The following NUBPL variants were observed in gnomAD, a reference collection of about 807,000 sequenced individuals.
NUBPL encodes the protein NUBP iron-sulfur cluster assembly factor, mitochondrial, also known as iron-sulfur cluster transfer protein NUBPL.
NUBPL carries 31 observed loss-of-function variants against 45.7 expected under a neutral mutation model. The ratio of observed to expected loss-of-function variants is 0.68; its 90% CI spans 0.51 to 0.92. The LOEUF is 0.92. Ranked by LOEUF, NUBPL falls within the 40% of genes least tolerant of loss-of-function variation. NUBPL has a pLI of 0.00. For synonymous variants in NUBPL, 144 were observed against 140.9 expected, an observed-to-expected ratio of 1.02 and a Z score of -0.15; for missense variants, 401 against 398.7, an observed-to-expected ratio of 1.01 and a Z score of -0.05.
At chr14:31,782,952 G>A (rs570498178) in intron 6 of NUBPL, among the ~76,000 whole-genome samples, 28 of 152,244 alleles carry the variant, frequency 1.8e-4, no homozygotes, top group African/African-American at 6.5e-4. Context: ...TTAAATTTAA[G>A]AAGTCAAGGA....
At chr14:31,776,272 T>C (rs2039096216) in intron 6 of NUBPL, among the ~76,000 whole-genome samples, 1 of 152,182 alleles carries the variant, frequency 6.6e-6, no homozygotes, top group African/African-American at 2.4e-5. Context: ...AAGTAGAATC[T>C]AGAGCCTCCC....
At chr14:31,760,126 A>AGTGTGTGTGTGT (rs147699444) in intron 6 of NUBPL, among the ~76,000 whole-genome samples, 4,662 of 29,758 alleles carry the variant, frequency 0.16, 887 homozygotes, top group African/African-American at 0.33. Context: ...TTCTGACTTT[A>AGTGTGTGTGTGT]GTGTGTGTGT....
intron 6 of NUBPL, among the ~76,000 whole-genome samples, chr14:31,727,790 C>T (rs1215757878): frequency 6.6e-6 from 1 of 152,030 alleles, no homozygotes; most frequent in Non-Finnish European, 1.5e-5. Flanking sequence ...CTAATAAATC[C>T]CTGCTTGTAT....
At chr14:31,833,370 C>CAA (rs540768372) in intron 8 of NUBPL, among the ~76,000 whole-genome samples, 1,609 of 140,022 alleles carry the variant, frequency 0.011, 25 homozygotes, top group African/African-American at 0.04. Flanking sequence ...GACCTTGTCT[C>CAA]AAAAAAAAAA....
intron 2 of NUBPL, among the ~76,000 whole-genome samples, chr14:31,563,755 C>T (rs933404818): frequency 2.2e-4 from 34 of 152,166 alleles, no homozygotes; most frequent in African/African-American, 8.0e-4. Flanking sequence ...TAGGAAGAAC[C>T]TAACTCTAAA....
At chr14:31,616,116 T>C (rs1256516089) in intron 4 of NUBPL, among the ~76,000 whole-genome samples, 1 of 152,210 alleles carries the variant, frequency 6.6e-6, no homozygotes, top group Non-Finnish European at 1.5e-5. Context: ...TCTCTTCATA[T>C]CCTTTGCCCA....
chr14:31,731,152 A>G (rs2038040421), intron 6 of NUBPL, among the ~76,000 whole-genome samples: 1 of 152,244 alleles, frequency 6.6e-6, no homozygotes. Flanking sequence ...TAAAACTGAA[A>G]AACACACTAT....
At chr14:31,847,418 T>C (rs2040471283) in intron 9 of NUBPL, among the ~76,000 whole-genome samples, 1 of 152,222 alleles carries the variant, frequency 6.6e-6, no homozygotes. Flanking sequence ...ATATGGCACC[T>C]GAAATTTACA....
chr14:31,724,513 T>C (rs1212841872), intron 6 of NUBPL, among the ~76,000 whole-genome samples: 2 of 152,126 alleles, frequency 1.3e-5, no homozygotes, highest in Admixed American at 1.3e-4. Context: ...AGCATGGAGG[T>C]AGTATTCAGT....
chr14:31,853,854 T>A (rs1433081709), intron 10 of NUBPL, among the ~76,000 whole-genome samples: 1 of 152,156 alleles, frequency 6.6e-6, no homozygotes, highest in Non-Finnish European at 1.5e-5. Flanking sequence ...AACCCCTAAA[T>A]TCAATAGCAT....
At chr14:31,688,649 TTTG>T (rs1156282991) in intron 6 of NUBPL, among the ~76,000 whole-genome samples, 1 of 105,658 alleles carries the variant, frequency 9.5e-6, no homozygotes, top group African/African-American at 4.7e-5. Flanking sequence ...TGAACAGGTT[TTTG>T]TTGTTGTTTT....
At chr14:31,628,254 C>T (rs2035258219) in intron 4 of NUBPL, among the ~76,000 whole-genome samples, 1 of 152,144 alleles carries the variant, frequency 6.6e-6, no homozygotes, top group Non-Finnish European at 1.5e-5. Context: ...GAAGTTTATT[C>T]AGTCTTGTAT....
intron 6 of NUBPL, among the ~76,000 whole-genome samples, chr14:31,775,937 A>T (rs56211649): frequency 6.6e-6 from 1 of 152,310 alleles, no homozygotes; most frequent in Admixed American, 6.5e-5. Context: ...ATGGGGAGAG[A>T]CAGCCAGGTT....
At chr14:31,602,586 T>A (rs1419784385) in intron 4 of NUBPL, among the ~76,000 whole-genome samples, 1 of 152,064 alleles carries the variant, frequency 6.6e-6, no homozygotes, top group African/African-American at 2.4e-5. Flanking sequence ...CCCCATCCAT[T>A]TACTAGCTAT....
intron 6 of NUBPL, among the ~76,000 whole-genome samples, chr14:31,705,269 G>T (rs145342371): frequency 6.6e-6 from 1 of 152,198 alleles, no homozygotes; most frequent in Non-Finnish European, 1.5e-5. Context: ...TCATAAAGGC[G>T]GTGCAGACCC....
chr14:31,790,863 C>T (rs1011485214), intron 7 of NUBPL, among the ~76,000 whole-genome samples: 44 of 152,108 alleles, frequency 2.9e-4, no homozygotes, highest in African/African-American at 1.0e-3. Context: ...AACAAAAAAA[C>T]AAAAAACAGT....
chr14:31,649,598 A>G (rs1413510279), intron 4 of NUBPL, among the ~76,000 whole-genome samples: 1 of 152,252 alleles, frequency 6.6e-6, no homozygotes, highest in Non-Finnish European at 1.5e-5. Flanking sequence ...TTAAAAACAT[A>G]CAACTTTAAA....
At chr14:31,812,353 C>A (rs1237596483) in intron 7 of NUBPL, among the ~76,000 whole-genome samples, 4 of 152,208 alleles carry the variant, frequency 2.6e-5, no homozygotes, top group Non-Finnish European at 4.4e-5. Context: ...CAATGGCAGA[C>A]GCCCCTCCCC....
At chr14:31,649,587 T>C (rs1213617721) in intron 4 of NUBPL, among the ~76,000 whole-genome samples, 1 of 152,218 alleles carries the variant, frequency 6.6e-6, no homozygotes, top group Non-Finnish European at 1.5e-5. Flanking sequence ...TTGCAAAAAG[T>C]TTAAAAACAT....
Sources: allele counts gnomAD v4.1 joint callset (sites outside exome capture counted in the v4.1 genomes callset), GRCh38; gene constraint gnomAD v4.1.1; transcripts MANE v1.5; gene names NCBI Gene and HGNC (gene_info 2026-07-23, HGNC 2026-07-21).